UPF2: variants seen among roughly 807,000 people sequenced by gnomAD.
UPF2 encodes the protein regulator of nonsense transcripts 2.
A neutral mutation model predicts 141.4 loss-of-function variants in UPF2; 17 were observed. The ratio of observed to expected loss-of-function variants is 0.12; its 90% CI spans 0.08 to 0.18. The LOEUF is 0.18. Ranked by LOEUF, UPF2 falls within the 10% of genes least tolerant of loss-of-function variation. UPF2 has a pLI of 1.00. For missense variants in UPF2, 1,152 were observed against 1,515.9 expected, an observed-to-expected ratio of 0.76 and a Z score of 3.99; for synonymous variants, 540 against 498.0, an observed-to-expected ratio of 1.08 and a Z score of -1.12.
At chr10:12,023,510 T>TA (rs762703531) in intron 3 of UPF2, among the ~76,000 whole-genome samples, 359 of 117,254 alleles carry the variant, frequency 3.1e-3, no homozygotes, top group East Asian at 0.017. Flanking sequence ...CTGTCTCTAC[T>TA]AAAAAAAAAA....
In UPF2 at chr10:12,019,744, G is replaced by A. The variant is rs1834285256; in HGVS notation, c.1146-5560C>T. Among the ~76,000 whole-genome samples, 1 of 152,022 alleles carries A rather than the reference G, an allele frequency of 6.6e-6. No individual in the cohort carries two copies. Among genetic ancestry groups the A allele is most frequent in the Non-Finnish European group, 1.5e-5 (1 of 68,002 alleles). The stretch of plus-strand genomic sequence containing the variant: ...GTGTTTTTTTTTGTTTTGTTTTTGA[G>A]ATGGATTCTCGCTCTGCTGCCCAGG... On this transcript the variant is annotated intron_variant, in intron 3 of 21. Transcript: ENST00000357604. This position sits in a 1 kb window ranked among gnomAD's most constrained non-coding sequence, Gnocchi z 4.5.
chr10:12,034,862 T>C (rs1415023598), intron 2 of UPF2, among the ~76,000 whole-genome samples, 197 bp downstream of exon 2: 1 of 152,200 alleles, frequency 6.6e-6, no homozygotes, highest in Non-Finnish European at 1.5e-5. Flanking sequence ...TAAAGATTGT[T>C]ACTATTATTT....
chr10:11,942,594 A>G, intron 18 of UPF2, 71 bp downstream of exon 18: 3 of 1,443,588 alleles, frequency 2.1e-6, no homozygotes, highest in Non-Finnish European at 2.9e-6. Context: ...AGGCCTTCAC[A>G]TGAACCAGAA....
At chr10:12,003,787 T>C (rs183682886) in intron 5 of UPF2, among the ~76,000 whole-genome samples, 2 of 151,634 alleles carry the variant, frequency 1.3e-5, no homozygotes, top group Admixed American at 6.6e-5. Flanking sequence ...TAGCCAGGCA[T>C]GGCAGCACAC....
intron 1 of UPF2, among the ~76,000 whole-genome samples, chr10:12,037,700 G>GT (rs988257078): frequency 3.0e-4 from 45 of 150,270 alleles, no homozygotes; most frequent in South Asian, 8.4e-4. Flanking sequence ...CCAGCCCTTC[G>GT]TTTTTTTTTA....
Position 11,993,168 on chromosome 10 carries a change from A to C in UPF2, c.1844+4504T>G, listed in dbSNP as rs943236907. On this transcript the variant is annotated intron_variant, in intron 8 of 21. Transcript: ENST00000357604. ...CCACCTCAAAAAAAAAAAAAAAAAA[A>C]AAAAAGGCAGCAATCATAATCATTA... Among the ~76,000 whole-genome samples, 165 of 137,990 alleles carry C rather than the reference A, an allele frequency of 1.2e-3. 1 individual carries two copies. Among genetic ancestry groups the C allele is most frequent in the Non-Finnish European group, 2.3e-3 (140 of 60,506 alleles). 90.5% of individuals were successfully genotyped at this position (137,990 alleles called of 152,430 possible).
At chr10:11,971,374 C>A (rs1013925896) in intron 9 of UPF2, among the ~76,000 whole-genome samples, 1 of 152,080 alleles carries the variant, frequency 6.6e-6, no homozygotes, top group African/African-American at 2.4e-5. Context: ...CCTGCCTCAG[C>A]CTCCCAAGTA....
intron 4 of UPF2, among the ~76,000 whole-genome samples, chr10:12,009,297 G>A (rs1834089237): frequency 6.6e-6 from 1 of 152,108 alleles, no homozygotes; most frequent in Non-Finnish European, 1.5e-5. Flanking sequence ...AATATTAAGT[G>A]TTAATCAACA....
chr10:12,026,544 C>T (rs1235452642), intron 3 of UPF2: 2 of 426,252 alleles, frequency 4.7e-6, no homozygotes, highest in Admixed American at 2.8e-5. Context: ...ACTGGTATTC[C>T]TCAAACCATC....
At chr10:12,008,623 C>T (rs1326069483) in intron 4 of UPF2, among the ~76,000 whole-genome samples, 15 of 96,180 alleles carry the variant, frequency 1.6e-4, no homozygotes, top group Non-Finnish European at 2.4e-4. Context: ...GAGCAAGACA[C>T]CACCTCAAAA....
In UPF2 at chr10:11,964,138, G is replaced by A. The variant is rs201291435; in HGVS notation, c.2068-13C>T. Reference sequence around the variant, plus strand: ...CTGACAGAAGCATCTGCAACAGGAAGAATGATGAAAACTACAAAGGCAACT... The same window carrying A: ...CTGACAGAAGCATCTGCAACAGGAAAAATGATGAAAACTACAAAGGCAACT... On this transcript the variant is annotated splice_polypyrimidine_tract_variant and intron_variant, in intron 10 of 21. Coordinates refer to ENST00000357604, the MANE Select transcript of UPF2 (RefSeq NM_015542.4). 6.3e-7 allele frequency: 1 copy of A among 1,589,614 alleles called. No homozygotes were observed. Among genetic ancestry groups the A allele is most frequent in the African/African-American group, 1.3e-5 (1 of 74,326 alleles).
chr10:12,038,758 C>G (rs530452887), intron 1 of UPF2, among the ~76,000 whole-genome samples: 1 of 151,936 alleles, frequency 6.6e-6, no homozygotes, highest in East Asian at 1.9e-4. Flanking sequence ...ACAACAACAA[C>G]AAAAGAAAAA....
chr10:12,008,552 C>T (rs568752379), intron 4 of UPF2, among the ~76,000 whole-genome samples: 81 of 147,724 alleles, frequency 5.5e-4, no homozygotes, highest in Non-Finnish European at 1.1e-3. Flanking sequence ...ATCGCTTGAA[C>T]CCGGGAGGCG....
intron 9 of UPF2, among the ~76,000 whole-genome samples, chr10:11,978,769 T>C (rs1309801136): frequency 1.3e-5 from 2 of 152,200 alleles, no homozygotes; most frequent in Non-Finnish European, 2.9e-5. Context: ...AGGCTCTGGC[T>C]GTCTTGACCC....
At chr10:11,952,278 T>C (rs1833084997) in intron 14 of UPF2, 29 bp from the exon 15 acceptor site, 1 of 1,543,596 alleles carries the variant, frequency 6.5e-7, no homozygotes, top group African/African-American at 1.4e-5. Flanking sequence ...TAAATTTAGC[T>C]ATAAGAAATT....
chr10:11,948,264 A>C (rs1432919048), intron 16 of UPF2, 105 bp downstream of exon 16: 25 of 1,172,858 alleles, frequency 2.1e-5, no homozygotes, highest in Non-Finnish European at 2.9e-5. Context: ...AAAAAAAAAA[A>C]AAAAAACCAG....
intron 18 of UPF2, among the ~76,000 whole-genome samples, chr10:11,938,842 G>GTTTTTTTTTTTTTTTTTTTTTTT (rs1204744093): frequency 6.5e-5 from 3 of 45,862 alleles, no homozygotes; most frequent in Non-Finnish European, 1.0e-4. Flanking sequence ...TCTTAAGCAA[G>GTTTTTTTTTTTTTTTTTTTTTTT]TTTTTTTTTT....
At position 11,950,167 on chromosome 10, in the gene UPF2, T is replaced by C. The variant is rs547904483; in HGVS notation, c.3035-1659A>G. On this transcript the variant is annotated intron_variant, in intron 15 of 21. Coordinates refer to ENST00000357604, the MANE Select transcript of UPF2 (RefSeq NM_015542.4). ...CTTGGTTTTTTAAAAATTACTGTCA[T>C]GAACACATTACTTTTAATACTATTA... is the stretch of plus-strand genomic sequence containing the variant. 5.9e-5 allele frequency among the ~76,000 whole-genome samples: 9 copies of C among 152,340 alleles called. No homozygotes were observed. The East Asian group carries it at 1.7e-3, about 29-fold the overall frequency.
At chr10:11,986,150 C>T (rs935362668) in intron 8 of UPF2, among the ~76,000 whole-genome samples, 1 of 151,974 alleles carries the variant, frequency 6.6e-6, no homozygotes, top group African/African-American at 2.4e-5. Context: ...TCCCAAAGTG[C>T]TGGGATTACA....
Sources: allele counts gnomAD v4.1 joint callset (sites outside exome capture counted in the v4.1 genomes callset), GRCh38; gene constraint gnomAD v4.1.1; non-coding constraint Gnocchi (gnomAD v3.1); transcripts MANE v1.5; gene names NCBI Gene and HGNC (gene_info 2026-07-23, HGNC 2026-07-21).